Variants in METTL24 observed in about 807,000 individuals in gnomAD.
METTL24 encodes the protein probable methyltransferase-like protein 24.
Under a neutral mutation model 32.7 loss-of-function variants are expected in METTL24, and 29 were observed. The ratio of observed to expected loss-of-function variants is 0.89; its 90% confidence interval spans 0.66 to 1.21. METTL24 has a LOEUF of 1.21. Among genes scored for constraint, METTL24 ranks in the 50% most tolerant of loss-of-function variants. METTL24 has a pLI of 0.00. For missense variants in METTL24, 439 were observed against 468.1 expected (o/e 0.94, Z 0.57); for synonymous variants, 163 against 179.5 (o/e 0.91, Z 0.73).
chr6:110,318,275 A>C (rs914554172), intron 2 of METTL24, among the ~76,000 whole-genome samples: 3 of 152,224 alleles, frequency 2.0e-5, no homozygotes, highest in Admixed American at 1.3e-4. Context: ...CATCTTGGAC[A>C]GATATATCTC....
chr6:110,261,612 G>A (rs1423778719), intron 4 of METTL24, among the ~76,000 whole-genome samples: 2 of 152,206 alleles, frequency 1.3e-5, no homozygotes, highest in East Asian at 3.9e-4. Context: ...TGCGCCAAGT[G>A]GACCTAATAG....
intron 1 of METTL24, among the ~76,000 whole-genome samples, chr6:110,342,992 T>C (rs910857821): frequency 1.3e-5 from 2 of 152,242 alleles, no homozygotes; most frequent in East Asian, 1.9e-4. Context: ...TTGGCTACTA[T>C]GGATAATGAC....
In METTL24 at chr6:110,358,275, C is replaced by A; in HGVS notation, c.-3G>T. On this transcript the variant is annotated 5_prime_UTR_variant, in exon 1 of 5. Transcript: ENST00000338882. ...CCGGGCGGCCTCTCCCGGGCCATGG[C>A]GCTACACTCGGGGTCCCGCGGGCCG... The A allele has an allele frequency of 1.4e-6, 2 of 1,462,440 alleles. No homozygotes were observed. Among genetic ancestry groups the A allele is most frequent in the African/African-American group, 1.5e-5 (1 of 67,516 alleles). The allele number at this position is 1,462,440 out of a possible 1,614,324, so 90.6% of individuals were successfully genotyped here.
chr6:110,256,654 C>T (rs1172619313), intron 4 of METTL24, among the ~76,000 whole-genome samples: 1 of 152,154 alleles, frequency 6.6e-6, no homozygotes, highest in African/African-American at 2.4e-5. Flanking sequence ...GATCACCTTG[C>T]TTCAGACCTC....
chr6:110,282,109 G>A (rs1473571889), intron 4 of METTL24, among the ~76,000 whole-genome samples: 2 of 152,108 alleles, frequency 1.3e-5, no homozygotes, highest in Non-Finnish European at 2.9e-5. Context: ...GCTGTCAATG[G>A]AGAAAGATGA....
intron 3 of METTL24, among the ~76,000 whole-genome samples, chr6:110,309,910 C>G (rs927111749): frequency 6.6e-6 from 1 of 152,032 alleles, no homozygotes; most frequent in Non-Finnish European, 1.5e-5. Context: ...AAACCCTTTC[C>G]TCTTTTTATG....
chr6:110,260,767 C>A (rs952625150), intron 4 of METTL24, among the ~76,000 whole-genome samples: 1 of 152,192 alleles, frequency 6.6e-6, no homozygotes, highest in Non-Finnish European at 1.5e-5. Context: ...CAGGTGATCT[C>A]TCGGCAGAAA....
intron 1 of METTL24, among the ~76,000 whole-genome samples, chr6:110,327,849 C>G (rs1373958936): frequency 6.6e-6 from 1 of 152,178 alleles, no homozygotes; most frequent in Non-Finnish European, 1.5e-5. Flanking sequence ...AAACAATTCC[C>G]TAAATGCCAG....
chr6:110,271,865 CAT>C (rs1213128006), intron 4 of METTL24, among the ~76,000 whole-genome samples: 4 of 152,148 alleles, frequency 2.6e-5, no homozygotes, highest in African/African-American at 9.7e-5. Context: ...GAGAATGAGA[CAT>C]ATGTCCATTT....
chr6:110,292,703 C>T (rs1340981656), intron 4 of METTL24, among the ~76,000 whole-genome samples: 3 of 151,878 alleles, frequency 2.0e-5, no homozygotes, highest in Non-Finnish European at 2.9e-5. Flanking sequence ...GACTTCCTAA[C>T]TCCAGAATTT....
At chr6:110,296,597 T>C (rs368306651) in intron 4 of METTL24, among the ~76,000 whole-genome samples, 1 of 152,226 alleles carries the variant, frequency 6.6e-6, no homozygotes, top group African/African-American at 2.4e-5. Context: ...TTTTTGCCCA[T>C]ATTTTTTCTT....
intron 4 of METTL24, among the ~76,000 whole-genome samples, chr6:110,269,334 T>C (rs1263675890): frequency 1.3e-5 from 2 of 152,270 alleles, no homozygotes; most frequent in East Asian, 1.9e-4. Flanking sequence ...TTCTTTGCTG[T>C]TGTTGTTGTT....
At chr6:110,296,187 C>G (rs937487510) in intron 4 of METTL24, among the ~76,000 whole-genome samples, 1 of 152,122 alleles carries the variant, frequency 6.6e-6, no homozygotes, top group Non-Finnish European at 1.5e-5. Context: ...GCTATAATTC[C>G]TCATTAACTA....
chr6:110,260,087 C>T (rs1233520881), intron 4 of METTL24, among the ~76,000 whole-genome samples: 1 of 152,206 alleles, frequency 6.6e-6, no homozygotes, highest in Non-Finnish European at 1.5e-5. Context: ...CGCAGCTCCT[C>T]ACCAGCAATG....
chr6:110,313,608 C>A (rs143933642), intron 3 of METTL24, among the ~76,000 whole-genome samples: 190 of 152,274 alleles, frequency 1.2e-3, no homozygotes, highest in African/African-American at 4.4e-3. Context: ...GAAAATAGGA[C>A]CAACTTGCAC....
chr6:110,329,411 C>G (rs956963008), intron 1 of METTL24, among the ~76,000 whole-genome samples: 2 of 147,782 alleles, frequency 1.4e-5, no homozygotes, highest in African/African-American at 5.0e-5. Context: ...ATTTATTTAG[C>G]AATTTTGCTG....
At chr6:110,313,764 T>C (rs375719212) in intron 3 of METTL24, among the ~76,000 whole-genome samples, 2 of 152,170 alleles carry the variant, frequency 1.3e-5, no homozygotes, top group African/African-American at 4.8e-5. Context: ...TTCTAATCAA[T>C]TGGCTGAGCA....
intron 4 of METTL24, chr6:110,254,068 A>C: frequency 1.4e-6 from 1 of 721,096 alleles, no homozygotes; most frequent in Non-Finnish European, 2.0e-6. Context: ...CTTAAAAAAA[A>C]TATGAAAGCC....
chr6:110,305,026 A>AT (rs569598359), intron 3 of METTL24, among the ~76,000 whole-genome samples: 1 of 152,184 alleles, frequency 6.6e-6, no homozygotes, highest in African/African-American at 2.4e-5. Context: ...AAAGAAAATA[A>AT]TTTTAACCCA....
Sources: gnomAD v4.1 joint callset for allele counts (sites outside exome capture counted in the v4.1 genomes callset) on GRCh38, gnomAD v4.1.1 for gene constraint, MANE v1.5 for transcripts, NCBI Gene and HGNC (gene_info 2026-07-23, HGNC 2026-07-21) for gene names.